The following SYNE3 variants were observed in gnomAD, a reference collection of about 807,000 sequenced individuals.
The protein encoded by SYNE3 is spectrin repeat containing nuclear envelope family member 3.
A neutral mutation model predicts 111.2 loss-of-function variants in SYNE3; 100 were observed. The observed-to-expected ratio is 0.90, with a 90% confidence interval of 0.77 to 1.06. The LOEUF (loss-of-function observed/expected upper bound fraction) is 1.06, where lower values mean the gene tolerates loss of function less well. Among genes scored for constraint, SYNE3 ranks in the 50% least tolerant of loss-of-function variants. The pLI is 0.00. For missense variants in SYNE3, 1,160 were observed against 1,240.3 expected (o/e 0.94, Z 0.97); for synonymous variants, 547 against 533.9 (o/e 1.02, Z -0.34).
chr14:95,461,452 C>T (rs1367517556), intron 4 of SYNE3, among the ~76,000 whole-genome samples: 1 of 152,234 alleles, frequency 6.6e-6, no homozygotes, highest in East Asian at 1.9e-4. Flanking sequence ...CCATTGCTCC[C>T]CTCTGGGCTT....
intron 17 of SYNE3, 128 bp downstream of exon 17, chr14:95,431,951 C>T (rs1885791700): frequency 1.9e-6 from 2 of 1,075,224 alleles, no homozygotes; most frequent in African/African-American, 3.2e-5. Context: ...GTTGATCCCC[C>T]ATAAATGTTC....
intron 7 of SYNE3, 67 bp from the exon 8 acceptor site, chr14:95,450,172 T>A: frequency 6.6e-7 from 1 of 1,508,290 alleles, no homozygotes. Flanking sequence ...GGATGAGGCC[T>A]CCGCCAAGAC....
chr14:95,456,581 G>C (rs556180282), intron 5 of SYNE3, among the ~76,000 whole-genome samples: 108 of 152,266 alleles, frequency 7.1e-4, no homozygotes, highest in African/African-American at 2.6e-3. Flanking sequence ...GGAGTCTCTA[G>C]ACACTGCCAA....
At chr14:95,427,154 A>C (rs1173005621) in intron 17 of SYNE3, among the ~76,000 whole-genome samples, 1 of 152,158 alleles carries the variant, frequency 6.6e-6, no homozygotes, top group Admixed American at 6.5e-5. Context: ...GACAGAGTGC[A>C]AGCCTTCTGT....
At chr14:95,456,727 C>T (rs527400984) in intron 5 of SYNE3, among the ~76,000 whole-genome samples, 60 of 152,260 alleles carry the variant, frequency 3.9e-4, no homozygotes, top group African/African-American at 1.3e-3. Context: ...CTTCTCCTCA[C>T]GGGGGTCTGT....
intron 17 of SYNE3, among the ~76,000 whole-genome samples, chr14:95,426,815 G>C (rs958158597): frequency 6.6e-6 from 1 of 151,498 alleles, no homozygotes; most frequent in Non-Finnish European, 1.5e-5. Flanking sequence ...GTGGTGGCAG[G>C]CGCCTGTAGT....
At chr14:95,433,488 CA>C in intron 15 of SYNE3, 79 bp from the exon 16 acceptor site, 1 of 1,562,558 alleles carries the variant, frequency 6.4e-7, no homozygotes, top group Non-Finnish European at 8.7e-7. Context: ...ATGGGTCCAT[CA>C]AATTTCACTT....
At chr14:95,474,975 C>T (rs1399249652) in intron 2 of SYNE3, among the ~76,000 whole-genome samples, 1 of 152,228 alleles carries the variant, frequency 6.6e-6, no homozygotes, top group African/African-American at 2.4e-5. Context: ...AAAACTGAAG[C>T]CCAGAGTGGG....
Position 95,416,519 on chromosome 14 carries a change from G to T in SYNE3, c.*1307C>A, listed in dbSNP as rs1465641280. 1 of 152,212 alleles carries T rather than the reference G, an allele frequency of 6.6e-6. No homozygotes were observed. The highest frequency in any genetic ancestry group is 2.4e-5 in the African/African-American group (1 of 41,452). The allele number at this position is 152,212 out of a possible 1,614,324, so 9.4% of individuals were successfully genotyped here. On this transcript the variant is annotated 3_prime_UTR_variant, in exon 18 of 18. Transcript: ENST00000682763. ...TTAGGAACCATCCCAGAGTTCCCTG[G>T]CAAGGAAGGGATGAGTTTCTGGCCT... is the stretch of plus-strand genomic sequence containing the variant.
intron 4 of SYNE3, among the ~76,000 whole-genome samples, chr14:95,461,308 G>C (rs925801859): frequency 2.6e-5 from 4 of 152,222 alleles, no homozygotes; most frequent in Admixed American, 6.5e-5. Flanking sequence ...GGGAAGCAGC[G>C]GGGGTGAGGA....
intron 8 of SYNE3, among the ~76,000 whole-genome samples, chr14:95,448,202 G>C (rs10141890): frequency 0.043 from 6,512 of 152,210 alleles, 458 homozygotes; most frequent in African/African-American, 0.15. Flanking sequence ...TATCTAAATG[G>C]ATTTAATCAG....
At chr14:95,433,871 G>A (rs1033753001) in intron 15 of SYNE3, among the ~76,000 whole-genome samples, 1 of 152,120 alleles carries the variant, frequency 6.6e-6, no homozygotes, top group African/African-American at 2.4e-5. Flanking sequence ...TGGTGTGATG[G>A]GGCAGTAGGA....
At chr14:95,426,781 A>C (rs890329190) in intron 17 of SYNE3, among the ~76,000 whole-genome samples, 1 of 151,696 alleles carries the variant, frequency 6.6e-6, no homozygotes, top group African/African-American at 2.4e-5. Context: ...CTCTACTAAA[A>C]ATACAAAAAA....
intron 5 of SYNE3, 149 bp downstream of exon 5, chr14:95,457,028 T>C (rs773295501): frequency 1.9e-6 from 2 of 1,079,794 alleles, no homozygotes; most frequent in African/African-American, 1.6e-5. Context: ...GAGCTTGCAG[T>C]GAGCTGAGAT....
chr14:95,511,370 A>G (rs1890714427), intron 1 of SYNE3, among the ~76,000 whole-genome samples: 1 of 152,162 alleles, frequency 6.6e-6, no homozygotes, highest in South Asian at 2.1e-4. Flanking sequence ...GTGTGGTTCC[A>G]TCGTAAAATG....
chr14:95,454,068 C>G lies in SYNE3; in HGVS notation c.1137+1309G>C, dbSNP rs188666687. Among the ~76,000 whole-genome samples, 264 of 152,390 alleles carry G rather than the reference C, an allele frequency of 1.7e-3. 2 individuals are homozygous for G. Among genetic ancestry groups the G allele is most frequent in the Middle Eastern group, 3.4e-3 (1 of 294 alleles). ...GCTACAAATCCACCCTGACTTCAACCTTTGCTGCAAACAGTCTCCCTGAAA... is the reference window on the plus strand; with the variant it reads ...GCTACAAATCCACCCTGACTTCAACGTTTGCTGCAAACAGTCTCCCTGAAA... On this transcript the variant is annotated intron_variant, in intron 6 of 17. Coordinates refer to ENST00000682763, the MANE Select transcript of SYNE3 (RefSeq NM_152592.6).
At position 95,470,474 on chromosome 14, in the gene SYNE3, AT is replaced by A. The variant is rs780595079; in HGVS notation, c.145-2508del. On this transcript the variant is annotated intron_variant, in intron 2 of 17. Coordinates refer to ENST00000682763, the MANE Select transcript of SYNE3 (RefSeq NM_152592.6). This position sits in a 1 kb window ranked among gnomAD's most constrained non-coding sequence, Gnocchi z 4.2. ...AGTGAGGCCCCATCTCTCCAAAAGCATTTTTTTTAATTAAAAAAAAAAAAAA... is the reference window on the plus strand; with the variant it reads ...AGTGAGGCCCCATCTCTCCAAAAGCATTTTTTTAATTAAAAAAAAAAAAAA... Among the ~76,000 whole-genome samples, 7 of 147,866 alleles carry A rather than the reference AT, an allele frequency of 4.7e-5. No individual in the cohort carries two copies. Among genetic ancestry groups the A allele is most frequent in the African/African-American group, 7.7e-5 (3 of 38,804 alleles).
At chr14:95,418,853 T>C (rs2749471) in intron 17 of SYNE3, among the ~76,000 whole-genome samples, 44,413 of 151,962 alleles carry the variant, frequency 0.29, 7,126 homozygotes, top group African/African-American at 0.41. Context: ...CCACCCTCCT[T>C]GGCCTCCCAA....
chr14:95,440,638 T>C (rs981842798), intron 11 of SYNE3, among the ~76,000 whole-genome samples: 5 of 152,174 alleles, frequency 3.3e-5, no homozygotes, highest in African/African-American at 1.2e-4. Context: ...GCAGATGAAT[T>C]TACAACCATC....
Sources: allele counts gnomAD v4.1 joint callset (sites outside exome capture counted in the v4.1 genomes callset), GRCh38; gene constraint gnomAD v4.1.1; non-coding constraint Gnocchi (gnomAD v3.1); transcripts MANE v1.5; gene names NCBI Gene and HGNC (gene_info 2026-07-23, HGNC 2026-07-21).